The following DTNA variants were observed in gnomAD, a reference collection of about 807,000 sequenced individuals.
DTNA encodes the protein dystrobrevin alpha, also known as dystrophin-related protein 3.
In DTNA, 43 loss-of-function variants were observed where a neutral mutation model predicts 100.7. The observed-to-expected ratio is 0.43, with a 90% CI of 0.33 to 0.55. The LOEUF is 0.55. Among genes scored for constraint, DTNA ranks in the 20% least tolerant of loss-of-function variants. The pLI is 0.04. For missense variants in DTNA, 798 were observed against 953.9 expected, an observed-to-expected ratio of 0.84 and a Z score of 2.15; for synonymous variants, 349 against 347.9, an observed-to-expected ratio of 1.00 and a Z score of -0.04.
intron 1 of DTNA, among the ~76,000 whole-genome samples, chr18:34,529,922 G>A (rs2042985959): frequency 6.6e-6 from 1 of 152,094 alleles, no homozygotes; most frequent in African/African-American, 2.4e-5. Context: ...AGTTTTAGTA[G>A]TTAAGAAACA....
At chr18:34,548,058 G>A (rs1222260234) in intron 1 of DTNA, among the ~76,000 whole-genome samples, 1 of 152,118 alleles carries the variant, frequency 6.6e-6, no homozygotes, top group Non-Finnish European at 1.5e-5. Flanking sequence ...TTTGGAAGCT[G>A]GGGAAACCTT....
At chr18:34,666,435 A>G (rs1039678686) in intron 1 of DTNA, among the ~76,000 whole-genome samples, 5 of 151,672 alleles carry the variant, frequency 3.3e-5, no homozygotes, top group Non-Finnish European at 7.4e-5. Flanking sequence ...ATTAGATCCC[A>G]TTTGTCAATT....
chr18:34,850,592 C>G lies in DTNA; in HGVS notation c.1435-1239C>G, dbSNP rs113642431. Among the ~76,000 whole-genome samples the G allele has an allele frequency of 5.4e-3, 830 of 152,320 alleles. 8 individuals carry two copies. The highest frequency in any genetic ancestry group is 0.019 in the African/African-American group (789 of 41,556). On this transcript the variant is annotated intron_variant, in intron 14 of 22. Coordinates refer to ENST00000444659, the MANE Select transcript of DTNA (RefSeq NM_001386795.1). ...AAAAGCAGGACAAGATTCTCTGCAT[C>G]TGGCTTAGGCAACAGTTGCCATTTT...
intron 1 of DTNA, among the ~76,000 whole-genome samples, chr18:34,698,859 A>C (rs2080975165): frequency 6.6e-6 from 1 of 152,010 alleles, no homozygotes; most frequent in Non-Finnish European, 1.5e-5. Context: ...TAGGTCTGCC[A>C]TTCCCAGTCC....
intron 16 of DTNA, among the ~76,000 whole-genome samples, chr18:34,861,485 CAAAAAAAAAAAAAA>C (rs11329850): frequency 1.4e-4 from 11 of 77,964 alleles, no homozygotes; most frequent in South Asian, 6.0e-4. Flanking sequence ...GACTCCGTCT[CAAAAAAAAAAAAAA>C]AAAAAAAAAA....
intron 1 of DTNA, among the ~76,000 whole-genome samples, chr18:34,654,180 G>A (rs929405968): frequency 3.9e-5 from 6 of 152,304 alleles, no homozygotes; most frequent in African/African-American, 1.2e-4. Context: ...AGCTGGATTA[G>A]TGACATTCTC....
upstream of DTNA, among the ~76,000 whole-genome samples, chr18:34,706,645 T>C (rs2082158827): frequency 6.6e-6 from 1 of 152,188 alleles, no homozygotes. Context: ...TTTTCTGTGA[T>C]GTACTCACAG....
intron 1 of DTNA, among the ~76,000 whole-genome samples, chr18:34,736,185 G>C (rs188558816): frequency 6.6e-6 from 1 of 152,084 alleles, no homozygotes; most frequent in Admixed American, 6.6e-5. Flanking sequence ...ACACTGATAA[G>C]TATTATAAAG....
chr18:34,795,041 GA>G (rs1279496294), intron 4 of DTNA, among the ~76,000 whole-genome samples: 1 of 152,150 alleles, frequency 6.6e-6, no homozygotes, highest in East Asian at 1.9e-4. Flanking sequence ...ACAATTTCAA[GA>G]GGGCTTTTTG....
Position 34,816,068 on chromosome 18 carries a change from A to G in DTNA, c.709+54A>G, listed in dbSNP as rs1197467858. Reference sequence around the variant, plus strand: ...TTTTTTAAATTATTGAAATTAGGCCATTAGTTCTACAGTTAGTAAGCCCAG... The same window carrying G: ...TTTTTTAAATTATTGAAATTAGGCCGTTAGTTCTACAGTTAGTAAGCCCAG... On this transcript the variant is annotated intron_variant, in intron 7 of 22. Transcript: ENST00000444659. 10 of 1,542,528 alleles carry G rather than the reference A, an allele frequency of 6.5e-6. No individual in the cohort carries two copies. The African/African-American group carries it at 8.2e-5, about 13-fold the overall frequency.
At chr18:34,845,669 G>A (rs570880489) in intron 13 of DTNA, among the ~76,000 whole-genome samples, 81 of 152,214 alleles carry the variant, frequency 5.3e-4, no homozygotes, top group South Asian at 1.2e-3. Context: ...GTAGTTTGAC[G>A]TCGAAAGAAA....
chr18:34,712,191 A>T (rs1364047536), intron 1 of DTNA, among the ~76,000 whole-genome samples: 2 of 152,138 alleles, frequency 1.3e-5, no homozygotes, highest in African/African-American at 2.4e-5. Flanking sequence ...AAATGAAAAG[A>T]TATACAAAAG....
chr18:34,843,043 AT>A (rs2096300135), intron 13 of DTNA, among the ~76,000 whole-genome samples: 1 of 152,112 alleles, frequency 6.6e-6, no homozygotes, highest in Non-Finnish European at 1.5e-5. Flanking sequence ...ATCTGTTGAT[AT>A]TGTAGAATAT....
chr18:34,848,215 GTAAAAAC>G (rs2096414370), intron 13 of DTNA, 74 bp from the exon 14 acceptor site: 3 of 1,390,794 alleles, frequency 2.2e-6, no homozygotes. Context: ...CATTGAAATA[GTAAAAAC>G]TCCTTGTGGT....
chr18:34,633,301 G>A (rs2058295522), intron 1 of DTNA, among the ~76,000 whole-genome samples: 1 of 152,062 alleles, frequency 6.6e-6, no homozygotes, highest in African/African-American at 2.4e-5. Context: ...CATATTTATA[G>A]TAATTAATGT....
At chr18:34,736,705 A>G (rs1601120108) in intron 1 of DTNA, among the ~76,000 whole-genome samples, 1 of 152,328 alleles carries the variant, frequency 6.6e-6, no homozygotes. Context: ...ATTAAAATAA[A>G]CGTGATATTA....
At chr18:34,824,923 TAGA>T (rs1474111951) in intron 9 of DTNA, among the ~76,000 whole-genome samples, 2 of 135,134 alleles carry the variant, frequency 1.5e-5, no homozygotes, top group Non-Finnish European at 3.1e-5. Flanking sequence ...CAGGTAGCCT[TAGA>T]TACAGTAAAA....
At chr18:34,805,737 G>A (rs1005768450) in intron 4 of DTNA, among the ~76,000 whole-genome samples, 2 of 148,578 alleles carry the variant, frequency 1.3e-5, no homozygotes, top group African/African-American at 5.0e-5. Flanking sequence ...AATGTGTGAT[G>A]AAAAAGTCCC....
chr18:34,501,066 C>A (rs867625015), intron 1 of DTNA, among the ~76,000 whole-genome samples: 1 of 152,160 alleles, frequency 6.6e-6, no homozygotes, highest in African/African-American at 2.4e-5. Flanking sequence ...ACTCTTTCTG[C>A]ATTAAGTATA....
Sources: gnomAD v4.1 joint callset for allele counts (sites outside exome capture counted in the v4.1 genomes callset) on GRCh38, gnomAD v4.1.1 for gene constraint, MANE v1.5 for transcripts, NCBI Gene and HGNC (gene_info 2026-07-23, HGNC 2026-07-21) for gene names.